The following B4GALNT3 variants were observed in gnomAD, a reference collection of about 807,000 sequenced individuals.
B4GALNT3 encodes the protein beta-1,4-N-acetyl-galactosaminyltransferase 3.
B4GALNT3 carries 86 observed loss-of-function variants against 120.2 expected under a neutral mutation model. The observed-to-expected ratio is 0.72, with a 90% CI of 0.60 to 0.86. B4GALNT3 has a LOEUF of 0.86. Ranked by LOEUF, B4GALNT3 falls within the 40% of genes least tolerant of loss-of-function variation. The pLI, the probability that B4GALNT3 is intolerant of heterozygous loss-of-function variation, is 0.00. For synonymous variants in B4GALNT3, 518 were observed against 510.4 expected (o/e 1.01, Z -0.20); for missense variants, 1,167 against 1,298.9 (o/e 0.90, Z 1.56).
rs576686010 is a variant in B4GALNT3, at chr12:545,360, G to A, written c.539-9G>A. The A allele has an allele frequency of 2.8e-5, 45 of 1,606,220 alleles. 1 individual carries two copies. The highest frequency in any genetic ancestry group is 1.7e-4 in the South Asian group (15 of 89,316). ...TTGCCCTCATCTGGAAACTCTCCCC[G>A]CTGCCCAGGGAAAATCCAGTTTGCC... is the stretch of plus-strand genomic sequence containing the variant. On this transcript the variant is annotated splice_polypyrimidine_tract_variant and intron_variant, in intron 5 of 19. Coordinates refer to ENST00000266383, the MANE Select transcript of B4GALNT3 (RefSeq NM_173593.4).
intron 1 of B4GALNT3, among the ~76,000 whole-genome samples, chr12:509,726 G>T (rs1464177899): frequency 6.6e-6 from 1 of 152,184 alleles, no homozygotes; most frequent in African/African-American, 2.4e-5. Flanking sequence ...CCGAGGTGGT[G>T]TTTGGAAGGA....
intron 1 of B4GALNT3, among the ~76,000 whole-genome samples, chr12:532,602 CTTGCT>C (rs1171404332): frequency 3.9e-5 from 6 of 152,160 alleles, no homozygotes; most frequent in African/African-American, 1.2e-4. Context: ...TAATGGGACT[CTTGCT>C]AAAGGCAAGG....
At chr12:496,659 A>G (rs1324984749) in intron 1 of B4GALNT3, among the ~76,000 whole-genome samples, 1 of 152,136 alleles carries the variant, frequency 6.6e-6, no homozygotes, top group East Asian at 1.9e-4. Flanking sequence ...ACAATGTTGT[A>G]CCACCGTCAC....
chr12:464,508 C>T (rs1946057513), intron 1 of B4GALNT3, among the ~76,000 whole-genome samples: 1 of 152,074 alleles, frequency 6.6e-6, no homozygotes, highest in African/African-American at 2.4e-5. Flanking sequence ...TGGCGCACAC[C>T]TGTAATCCCA....
chr12:558,458 C>T (rs1205686998), intron 17 of B4GALNT3, 50 bp from the exon 18 acceptor site: 2 of 1,576,578 alleles, frequency 1.3e-6, no homozygotes, highest in Non-Finnish European at 1.7e-6. Context: ...GACCTGACCT[C>T]CTAGCTCTGG....
At chr12:522,458 G>A (rs1946719644) in intron 1 of B4GALNT3, among the ~76,000 whole-genome samples, 1 of 152,198 alleles carries the variant, frequency 6.6e-6, no homozygotes, top group Non-Finnish European at 1.5e-5. Flanking sequence ...AATTCTGTGA[G>A]TAGTCAAATT....
At chr12:494,220 G>A (rs964628495) in intron 1 of B4GALNT3, among the ~76,000 whole-genome samples, 13 of 151,552 alleles carry the variant, frequency 8.6e-5, no homozygotes, top group South Asian at 8.4e-4. Context: ...CAAGGCTGCC[G>A]TGAGCCATGA....
At chr12:554,619 T>G (rs1040663667) in intron 14 of B4GALNT3, among the ~76,000 whole-genome samples, 1 of 150,170 alleles carries the variant, frequency 6.7e-6, no homozygotes, top group Non-Finnish European at 1.5e-5. Context: ...TGAAACCCCG[T>G]CTCTACTAAA....
intron 1 of B4GALNT3, among the ~76,000 whole-genome samples, chr12:461,654 T>G: frequency 6.6e-6 from 1 of 151,828 alleles, no homozygotes; most frequent in East Asian, 1.9e-4. Flanking sequence ...GAGAAGATAC[T>G]CTGACTCTGA....
intron 17 of B4GALNT3, 138 bp from the exon 18 acceptor site, chr12:558,370 A>C: frequency 1.2e-6 from 1 of 853,996 alleles, no homozygotes; most frequent in Non-Finnish European, 1.9e-6. Flanking sequence ...GCACTGTGGA[A>C]CTCTGCCCAG....
rs1452327709 is a variant in B4GALNT3, at chr12:552,087, A to G, written c.1132A>G (p.Asn378Asp). 10 of 1,612,056 alleles carry G rather than the reference A, an allele frequency of 6.2e-6. No homozygotes were observed. The highest frequency in any genetic ancestry group is 1.6e-4 in the Middle Eastern group (1 of 6,076). Reference sequence around the variant, plus strand: ...GGTTCATCTGTCTTTTGTTTACCCCAATGACTATACCCGCCTGAGCCACAT... The same window carrying G: ...GGTTCATCTGTCTTTTGTTTACCCCGATGACTATACCCGCCTGAGCCACAT... ...RFVHLSFVYP[N>D]DYTRLSHMET... The change falls in exon 12 of 20, where the codon AAT (asparagine) becomes GAT (aspartate). Residue 378 changes from asparagine (N) to aspartate (D), a missense_variant. Asn to Asp is a conservative substitution (Grantham distance 23). Transcript: ENST00000266383.
intron 1 of B4GALNT3, among the ~76,000 whole-genome samples, chr12:461,534 C>T (rs539693027): frequency 1.7e-4 from 26 of 152,310 alleles, no homozygotes; most frequent in African/African-American, 6.3e-4. Flanking sequence ...TACCAGGTGC[C>T]CAACGCAAGC....
At chr12:529,598 T>G (rs553256474) in intron 1 of B4GALNT3, among the ~76,000 whole-genome samples, 1 of 152,380 alleles carries the variant, frequency 6.6e-6, no homozygotes, top group Admixed American at 6.5e-5. Context: ...TGAAGTGATG[T>G]GTGTGCACGT....
chr12:531,667 CATAGAGGGAA>C (rs1946809430), intron 1 of B4GALNT3, among the ~76,000 whole-genome samples: 1 of 151,964 alleles, frequency 6.6e-6, no homozygotes, highest in Admixed American at 6.6e-5. Flanking sequence ...AGAAAAGAAG[CATAGAGGGAA>C]AAGAGTCAGA....
chr12:554,755 A>G lies in B4GALNT3; in HGVS notation c.2060+772A>G, dbSNP rs1166940561. Among the ~76,000 whole-genome samples the G allele has an allele frequency of 4.1e-5, 5 of 122,148 alleles. No individual in the cohort carries two copies. In the East Asian group the frequency reaches 1.1e-3, roughly 26 times the overall value. The allele number at this position is 122,148 out of a possible 152,430, so 80.1% of individuals were successfully genotyped here. A position where few individuals can be genotyped will look rare whatever the true frequency, so the allele number is the denominator to read the frequency against. On this transcript the variant is annotated intron_variant, in intron 14 of 19. Transcript: ENST00000266383. ...CAGTGAGCTGAGATTGCGCCACTGC[A>G]CTCCAGCCTGGGCGACAGAGCAAGA... is the stretch of plus-strand genomic sequence containing the variant.
chr12:541,959 AG>A (rs1264103831), intron 3 of B4GALNT3, among the ~76,000 whole-genome samples: 2 of 151,364 alleles, frequency 1.3e-5, no homozygotes, highest in Non-Finnish European at 2.9e-5. Context: ...TCTCCTAGGG[AG>A]GGGGCAGAAA....
chr12:561,559 A>G lies in B4GALNT3; in HGVS notation c.*108A>G, dbSNP rs1452847559. On this transcript the variant is annotated 3_prime_UTR_variant, in exon 20 of 20. Transcript: ENST00000266383. The stretch of plus-strand genomic sequence containing the variant: ...GGAGTGGGGTGACGGCTGGACCCCA[A>G]GAGGCCTCGAAGCTGACGGCCCACT... 9.2e-6 allele frequency: 8 copies of G among 871,284 alleles called. No homozygotes were observed. Among genetic ancestry groups the G allele is most frequent in the Non-Finnish European group, 8.8e-6 (5 of 568,198 alleles). 54.0% of individuals were successfully genotyped at this position (871,284 alleles called of 1,614,324 possible). A position where few individuals can be genotyped will look rare whatever the true frequency, so the allele number is the denominator to read the frequency against.
In B4GALNT3 at chr12:552,904, G is replaced by C. The variant is rs1947101746; in HGVS notation, c.1271-290G>C. On this transcript the variant is annotated intron_variant, in intron 13 of 19. Coordinates refer to ENST00000266383, the MANE Select transcript of B4GALNT3 (RefSeq NM_173593.4). The stretch of plus-strand genomic sequence containing the variant: ...TAGGGCGTGGCTGGGACCATCTGCT[G>C]GGTCCCTCAGGTGCTATGCACCTGC... 3 of 506,974 alleles carry C rather than the reference G, an allele frequency of 5.9e-6. No individual in the cohort carries two copies. In the South Asian group the frequency reaches 7.6e-5, roughly 13 times the overall value. The allele number at this position is 506,974 out of a possible 1,614,324, so 31.4% of individuals were successfully genotyped here.
rs1044261664 is a variant in B4GALNT3, at chr12:460,400, G to GC, written c.29dup (p.Leu11AlafsTer86). On this transcript the variant is annotated frameshift_variant, in exon 1 of 20. Coordinates refer to ENST00000266383, the MANE Select transcript of B4GALNT3 (RefSeq NM_173593.4). LOFTEE classifies it high-confidence loss of function. This position sits in a 1 kb window ranked among gnomAD's most constrained non-coding sequence, Gnocchi z 8.0. ...CCATGGGGAGCCCCCGGGCCGCGCG[G>GC]CCCCCGCTGCTCCTGCGCCCGGTGA... is the stretch of plus-strand genomic sequence containing the variant. 6.7e-6 allele frequency: 10 copies of GC among 1,491,664 alleles called. No homozygotes were observed. Among genetic ancestry groups the GC allele is most frequent in the Non-Finnish European group, 8.0e-6 (9 of 1,122,702 alleles). The allele number at this position is 1,491,664 out of a possible 1,614,324, so 92.4% of individuals were successfully genotyped here.
Sources: gnomAD v4.1 joint callset for allele counts (sites outside exome capture counted in the v4.1 genomes callset) on GRCh38, gnomAD v4.1.1 for gene constraint, Gnocchi (gnomAD v3.1) non-coding constraint, MANE v1.5 for transcripts, NCBI Gene and HGNC (gene_info 2026-07-23, HGNC 2026-07-21) for gene names.